USP12: variants seen among roughly 807,000 people sequenced by gnomAD.
USP12 encodes ubiquitin carboxyl-terminal hydrolase 12.
Under a neutral mutation model 45.5 loss-of-function variants are expected in USP12, and 19 were observed. That is an observed-to-expected ratio of 0.42 (90% CI 0.29 to 0.61). USP12 has a LOEUF of 0.61. Among genes scored for constraint, USP12 ranks in the 20% least tolerant of loss-of-function variants. USP12 has a pLI of 0.22. For synonymous variants in USP12, 149 were observed against 148.8 expected, an observed-to-expected ratio of 1.00 and a Z score of -0.01; for missense variants, 242 against 447.7, an observed-to-expected ratio of 0.54 and a Z score of 4.15.
intron 1 of USP12, among the ~76,000 whole-genome samples, chr13:27,148,674 A>T (rs1877420035): frequency 1.1e-5 from 1 of 87,808 alleles, no homozygotes; most frequent in Admixed American, 1.3e-4. Flanking sequence ...AAAAAAAAAA[A>T]ATTATATATA....
intron 1 of USP12, among the ~76,000 whole-genome samples, chr13:27,160,102 A>C (rs1357583203): frequency 6.6e-6 from 1 of 152,232 alleles, no homozygotes; most frequent in East Asian, 1.9e-4. Flanking sequence ...ACCATGTGTC[A>C]ATTATACCTC....
At chr13:27,137,878 C>T (rs574106094) in intron 1 of USP12, among the ~76,000 whole-genome samples, 1 of 152,364 alleles carries the variant, frequency 6.6e-6, no homozygotes, top group African/African-American at 2.4e-5. Context: ...CAAGCTGCCG[C>T]GCTGAGAGGA....
chr13:27,099,498 T>G (rs902880860), intron 3 of USP12, among the ~76,000 whole-genome samples: 1 of 152,182 alleles, frequency 6.6e-6, no homozygotes, highest in African/African-American at 2.4e-5. Context: ...GTTCATTTCC[T>G]GCATGTCTAG....
At chr13:27,135,187 T>C (rs1876746411) in intron 1 of USP12, among the ~76,000 whole-genome samples, 1 of 151,954 alleles carries the variant, frequency 6.6e-6, no homozygotes, top group African/African-American at 2.4e-5. Context: ...CTCAGGAAGC[T>C]GAGGTGGAAA....
intron 6 of USP12, among the ~76,000 whole-genome samples, chr13:27,080,747 C>G (rs527987131): frequency 6.6e-6 from 1 of 152,182 alleles, no homozygotes; most frequent in African/African-American, 2.4e-5. Flanking sequence ...AAGTGAAGAC[C>G]GCAATAAAGC....
intron 1 of USP12, among the ~76,000 whole-genome samples, chr13:27,128,691 C>G (rs895773297): frequency 3.9e-5 from 6 of 152,174 alleles, no homozygotes; most frequent in African/African-American, 1.4e-4. Context: ...AATGTTTCAG[C>G]TCTATAAAAA....
intron 1 of USP12, among the ~76,000 whole-genome samples, chr13:27,155,144 C>T (rs1406825554): frequency 1.5e-5 from 2 of 131,080 alleles, no homozygotes; most frequent in African/African-American, 2.9e-5. Context: ...TGCAGTGGCG[C>T]GATCTCGGCT....
chr13:27,085,811 C>A (rs1457188117), intron 6 of USP12, among the ~76,000 whole-genome samples: 1 of 151,922 alleles, frequency 6.6e-6, no homozygotes, highest in Admixed American at 6.6e-5. Context: ...TGTAAAAAAT[C>A]TAAATTGTTG....
At chr13:27,170,955 C>T (rs902389454) in intron 1 of USP12, among the ~76,000 whole-genome samples, 1 of 152,248 alleles carries the variant, frequency 6.6e-6, no homozygotes, top group African/African-American at 2.4e-5. Context: ...ACACACGCCC[C>T]TTTCCCCCAG....
At chr13:27,138,158 A>T (rs1429133846) in intron 1 of USP12, among the ~76,000 whole-genome samples, 1 of 152,248 alleles carries the variant, frequency 6.6e-6, no homozygotes, top group African/African-American at 2.4e-5. Context: ...ACATGAGTTC[A>T]CTTCAGCTGC....
chr13:27,127,293 G>T (rs1183944515), intron 1 of USP12, among the ~76,000 whole-genome samples: 1 of 152,104 alleles, frequency 6.6e-6, no homozygotes, highest in African/African-American at 2.4e-5. Context: ...CTTGCAAAAG[G>T]CTTAAAATCA....
At position 27,132,571 on chromosome 13, in the gene USP12, C is replaced by T. The variant is rs116147074; in HGVS notation, c.49-15975G>A. On this transcript the variant is annotated intron_variant, in intron 1 of 8. Coordinates refer to ENST00000282344, the MANE Select transcript of USP12 (RefSeq NM_182488.4). ...GTCTGGAAATCCCTGGTTGGCTGTA[C>T]GGCTTTGTGAATGAAAGATGGTTAG... Among the ~76,000 whole-genome samples, 711 of 152,264 alleles carry T rather than the reference C, an allele frequency of 4.7e-3. 4 individuals are homozygous for T. Among genetic ancestry groups the T allele is most frequent in the African/African-American group, 0.014 (567 of 41,536 alleles).
chr13:27,077,727 G>A (rs189107422), intron 6 of USP12: 16 of 152,250 alleles, frequency 1.1e-4, no homozygotes, highest in African/African-American at 2.9e-4. Context: ...ATACGTGTAA[G>A]GAGTCTGAAA....
chr13:27,099,077 T>C (rs560128750), intron 3 of USP12, among the ~76,000 whole-genome samples: 117 of 152,158 alleles, frequency 7.7e-4, no homozygotes, highest in Non-Finnish European at 1.3e-3. Flanking sequence ...CCACTAAAAA[T>C]AGTTCCCATA....
chr13:27,171,395 C>T (rs1456049779), intron 1 of USP12, among the ~76,000 whole-genome samples, 197 bp downstream of exon 1: 1 of 147,062 alleles, frequency 6.8e-6, no homozygotes, highest in Non-Finnish European at 1.5e-5. Flanking sequence ...CCCTCCCCAG[C>T]CGCCTGGGCC....
chr13:27,078,063 T>C (rs1873575614), intron 6 of USP12: 1 of 152,144 alleles, frequency 6.6e-6, no homozygotes, highest in African/African-American at 2.4e-5. Flanking sequence ...TAATTTTCTA[T>C]TTAAATTTAT....
chr13:27,108,409 G>A (rs1431239255), intron 2 of USP12, among the ~76,000 whole-genome samples: 3 of 151,908 alleles, frequency 2.0e-5, no homozygotes, highest in Non-Finnish European at 4.4e-5. Context: ...GGGAGGGATA[G>A]CATTAGGAGA....
In USP12 at chr13:27,077,892, T is replaced by G. The variant is rs147702079; in HGVS notation, c.735-2504A>C. On this transcript the variant is annotated intron_variant, in intron 6 of 8. Coordinates refer to ENST00000282344, the MANE Select transcript of USP12 (RefSeq NM_182488.4). Reference sequence around the variant, plus strand: ...GGAGGTTACATTAGGGAGGTCTTGATCACTGTCATTGTTTTAAAAAAAAAA... The same window carrying G: ...GGAGGTTACATTAGGGAGGTCTTGAGCACTGTCATTGTTTTAAAAAAAAAA... 11 of 151,724 alleles carry G rather than the reference T, an allele frequency of 7.3e-5. No individual in the cohort carries two copies. The East Asian group carries it at 2.1e-3, about 29-fold the overall frequency. 9.4% of individuals were successfully genotyped at this position (151,724 alleles called of 1,614,324 possible).
chr13:27,109,309 A>C (rs1875305870), intron 2 of USP12, among the ~76,000 whole-genome samples: 2 of 152,246 alleles, frequency 1.3e-5, no homozygotes, highest in Non-Finnish European at 2.9e-5. Flanking sequence ...ACAACTGAAT[A>C]TTGTGTGTCT....
Sources: gnomAD v4.1 joint callset for allele counts (sites outside exome capture counted in the v4.1 genomes callset) on GRCh38, gnomAD v4.1.1 for gene constraint, MANE v1.5 for transcripts, NCBI Gene and HGNC (gene_info 2026-07-23, HGNC 2026-07-21) for gene names.